ZFPM1: variants seen among roughly 807,000 people sequenced by gnomAD.
The protein encoded by ZFPM1 is zinc finger protein ZFPM1.
In ZFPM1, 28 loss-of-function variants were observed where a neutral mutation model predicts 46.3. That is an observed-to-expected ratio of 0.60 (90% confidence interval 0.45 to 0.83). ZFPM1 has a LOEUF of 0.83. Ranked by LOEUF, ZFPM1 falls within the 40% of genes least tolerant of loss-of-function variation. ZFPM1 has a pLI of 0.00. For synonymous variants in ZFPM1, 957 were observed against 675.9 expected (o/e 1.42, Z -6.45); for missense variants, 1,878 against 1,432.4 (o/e 1.31, Z -5.02).
intron 1 of ZFPM1, among the ~76,000 whole-genome samples, chr16:88,465,162 T>C (rs182912348): frequency 1.1e-3 from 175 of 152,346 alleles, no homozygotes; most frequent in African/African-American, 4.1e-3. Flanking sequence ...CAGCGGCCTC[T>C]GCACAGACCC....
intron 4 of ZFPM1, among the ~76,000 whole-genome samples, chr16:88,517,167 C>T (rs1301765837): frequency 2.4e-5 from 3 of 127,026 alleles, no homozygotes; most frequent in African/African-American, 5.6e-5. Flanking sequence ...GGTAGGTGGA[C>T]GGATGGATGG....
At chr16:88,475,104 G>A (rs1399561985) in intron 1 of ZFPM1, among the ~76,000 whole-genome samples, 2 of 152,266 alleles carry the variant, frequency 1.3e-5, no homozygotes, top group Admixed American at 6.5e-5. Context: ...GTGAAGGGCT[G>A]TGCATTCGTG....
At chr16:88,464,743 G>A (rs935252563) in intron 1 of ZFPM1, among the ~76,000 whole-genome samples, 1 of 152,228 alleles carries the variant, frequency 6.6e-6, no homozygotes, top group African/African-American at 2.4e-5. Flanking sequence ...GGCCTCTGGC[G>A]GGCACAGGTT....
chr16:88,464,057 G>A (rs537102787), intron 1 of ZFPM1, among the ~76,000 whole-genome samples: 21 of 152,378 alleles, frequency 1.4e-4, no homozygotes, highest in African/African-American at 4.1e-4. Flanking sequence ...TCTATACCCC[G>A]TGGTCCATCG....
chr16:88,531,356 T>C (rs960901108), intron 6 of ZFPM1, among the ~76,000 whole-genome samples: 10 of 152,076 alleles, frequency 6.6e-5, no homozygotes, highest in Non-Finnish European at 1.2e-4. Context: ...CCCAAAACTC[T>C]CAACAGTTAT....
intron 1 of ZFPM1, among the ~76,000 whole-genome samples, chr16:88,456,882 A>G (rs1478936915): frequency 6.6e-6 from 1 of 152,172 alleles, no homozygotes; most frequent in African/African-American, 2.4e-5. Context: ...TGGATCCCAC[A>G]GGCCAGATAG....
chr16:88,462,554 G>A (rs1034126751), intron 1 of ZFPM1, among the ~76,000 whole-genome samples: 2 of 152,210 alleles, frequency 1.3e-5, no homozygotes, highest in African/African-American at 2.4e-5. Context: ...ATGGCTGCCT[G>A]TGCCTAGGAC....
intron 1 of ZFPM1, among the ~76,000 whole-genome samples, chr16:88,467,375 C>T (rs1008525275): frequency 1.3e-5 from 2 of 152,252 alleles, no homozygotes; most frequent in Admixed American, 6.5e-5. Context: ...GCCTGCCCTG[C>T]AGGCCATGGC....
intron 3 of ZFPM1, among the ~76,000 whole-genome samples, chr16:88,495,576 G>T (rs188776753): frequency 5.3e-5 from 8 of 152,358 alleles, no homozygotes; most frequent in Admixed American, 3.9e-4. Context: ...GCAGCGTGGT[G>T]CAGGCACCGA....
intron 1 of ZFPM1, among the ~76,000 whole-genome samples, chr16:88,462,980 C>T (rs904793): frequency 0.34 from 51,209 of 152,090 alleles, 8,929 homozygotes; most frequent in East Asian, 0.49. Context: ...CCTCCCCTCC[C>T]CAGGTTGCTG....
chr16:88,455,153 G>A (rs1311709558), intron 1 of ZFPM1, among the ~76,000 whole-genome samples: 1 of 151,852 alleles, frequency 6.6e-6, no homozygotes, highest in East Asian at 1.9e-4. Context: ...GTGTGTGTGT[G>A]TGTGTGTGTG....
At chr16:88,487,791 GAGCC>G (rs2142375556) in intron 2 of ZFPM1, among the ~76,000 whole-genome samples, 1 of 152,310 alleles carries the variant, frequency 6.6e-6, no homozygotes, top group Admixed American at 6.5e-5. Context: ...GGGGTCACCA[GAGCC>G]AGTGGGACTT....
chr16:88,493,118 T>G (rs1361948388), intron 3 of ZFPM1, among the ~76,000 whole-genome samples: 1 of 90,056 alleles, frequency 1.1e-5, no homozygotes. Flanking sequence ...TGTCCCGGGG[T>G]GGGGGGAGCT....
Position 88,534,883 on chromosome 16 carries a change from C to T in ZFPM1, c.2925C>T (p.Tyr975=). The change falls in exon 10 of 10, where the codon TAC becomes TAT. Residue 975 remains tyrosine, a synonymous_variant. Coordinates refer to ENST00000319555, the MANE Select transcript of ZFPM1 (RefSeq NM_153813.3). ...PAPLPNGNHR[Y]CRLCNIKFSS... ...CGCTGCCCAACGGCAACCACCGGTA[C>T]TGCCGTCTTTGCAACATCAAGTTCA... is the stretch of plus-strand genomic sequence containing the variant. 1 of 1,568,868 alleles carries T rather than the reference C, an allele frequency of 6.4e-7. No individual in the cohort carries two copies.
At chr16:88,518,918 G>A (rs1307979262) in intron 4 of ZFPM1, among the ~76,000 whole-genome samples, 1 of 148,384 alleles carries the variant, frequency 6.7e-6, no homozygotes, top group Non-Finnish European at 1.5e-5. Context: ...ATGGATAGTG[G>A]GTAGATGGAT....
intron 1 of ZFPM1, among the ~76,000 whole-genome samples, chr16:88,462,169 T>C (rs1203094429): frequency 6.6e-6 from 1 of 152,202 alleles, no homozygotes; most frequent in Non-Finnish European, 1.5e-5. Context: ...CTCCGTCTGC[T>C]TCCCCAGCTT....
chr16:88,462,116 C>T (rs1334199875), intron 1 of ZFPM1, among the ~76,000 whole-genome samples: 3 of 152,196 alleles, frequency 2.0e-5, no homozygotes, highest in East Asian at 1.9e-4. Flanking sequence ...TGGGCAGAGC[C>T]GCGTGAGCAG....
chr16:88,514,579 C>T, intron 4 of ZFPM1, 59 bp downstream of exon 4: 1 of 1,507,558 alleles, frequency 6.6e-7, no homozygotes, highest in Non-Finnish European at 8.9e-7. Context: ...AACATGGACC[C>T]AGGGGACAGG....
chr16:88,534,290 G>T lies in ZFPM1; in HGVS notation c.2332G>T (p.Gly778Cys). 1.7e-6 allele frequency: 2 copies of T among 1,180,638 alleles called. No homozygotes were observed. Among genetic ancestry groups the T allele is most frequent in the Non-Finnish European group, 1.0e-6 (1 of 959,332 alleles). 73.1% of individuals were successfully genotyped at this position (1,180,638 alleles called of 1,614,324 possible). A position where few individuals can be genotyped will look rare whatever the true frequency, so the allele number is the denominator to read the frequency against. Reference protein sequence around the residue: ...SPRPGSGSGSGPGLAPARSPG... With the variant: ...SPRPGSGSGSCPGLAPARSPG... ...GCGGCCCGGAAGCGGAAGCGGAAGC[G>T]GCCCCGGCCTCGCCCCTGCGCGCTC... is the stretch of plus-strand genomic sequence containing the variant. The change falls in exon 10 of 10, where the codon GGC becomes TGC. Residue 778 changes from glycine to cysteine, a missense_variant. By Grantham distance (159) the Gly-to-Cys change is radical (BLOSUM62 -3). Transcript: ENST00000319555.
Sources: gnomAD v4.1 joint callset for allele counts (sites outside exome capture counted in the v4.1 genomes callset) on GRCh38, gnomAD v4.1.1 for gene constraint, MANE v1.5 for transcripts, NCBI Gene and HGNC (gene_info 2026-07-23, HGNC 2026-07-21) for gene names.